Variants in NID2 observed in about 807,000 individuals in gnomAD.
The protein encoded by NID2 is nidogen-2.
In NID2, 83 loss-of-function variants were observed where a neutral mutation model predicts 145.4. That is an observed-to-expected ratio of 0.57 (90% CI 0.48 to 0.69). NID2 has a LOEUF of 0.69. Ranked by LOEUF, NID2 falls within the 30% of genes least tolerant of loss-of-function variation. The pLI is 0.00. For missense variants in NID2, 1,807 were observed against 1,765.7 expected, an observed-to-expected ratio of 1.02 and a Z score of -0.42; for synonymous variants, 739 against 701.3, an observed-to-expected ratio of 1.05 and a Z score of -0.85.
At chr14:52,041,900 A>T (rs112545920) in intron 7 of NID2, among the ~76,000 whole-genome samples, 153 of 152,386 alleles carry the variant, frequency 1.0e-3, no homozygotes, top group African/African-American at 3.5e-3. Context: ...GAGAACATTT[A>T]GACGAAATCA....
At chr14:52,049,473 C>T (rs1423830217) in intron 5 of NID2, among the ~76,000 whole-genome samples, 2 of 151,940 alleles carry the variant, frequency 1.3e-5, no homozygotes, top group South Asian at 2.1e-4. Flanking sequence ...TCCATGGTGT[C>T]GACTGGGTTC....
At chr14:52,059,122 T>A (rs1234337782) in intron 3 of NID2, among the ~76,000 whole-genome samples, 1 of 152,208 alleles carries the variant, frequency 6.6e-6, no homozygotes, top group East Asian at 1.9e-4. Context: ...TCTGTAAAAC[T>A]GGGAAAATAG....
Position 52,005,857 on chromosome 14 carries a change from CAGAAAGGAAG to C in NID2, c.4005-18_4005-9del. On this transcript the variant is annotated splice_polypyrimidine_tract_variant and intron_variant, in intron 20 of 21. Coordinates refer to ENST00000216286, the MANE Select transcript of NID2 (RefSeq NM_007361.4). ...ACTGATACAACACCATCCCTGGTAA[CAGAAAGGAAG>C]AGTGAATTCAGGGACAGTCATTTAC... 6.3e-7 allele frequency: 1 copy of C among 1,586,898 alleles called. No homozygotes were observed. Among genetic ancestry groups the C allele is most frequent in the Non-Finnish European group, 8.7e-7 (1 of 1,155,622 alleles).
intron 21 of NID2, 120 bp from the exon 22 acceptor site, chr14:52,005,616 C>A: frequency 7.0e-7 from 1 of 1,430,678 alleles, no homozygotes; most frequent in Non-Finnish European, 9.8e-7. Context: ...TAAAGACTGG[C>A]CCTCAGGGCA....
chr14:52,039,032 G>C, intron 8 of NID2, 55 bp from the exon 9 acceptor site: 1 of 1,275,366 alleles, frequency 7.8e-7, no homozygotes, highest in South Asian at 1.5e-5. Context: ...AGATTTTCAT[G>C]TGAGGTGGAT....
intron 2 of NID2, among the ~76,000 whole-genome samples, chr14:52,062,904 C>T (rs868041334): frequency 6.6e-6 from 1 of 152,198 alleles, no homozygotes; most frequent in Admixed American, 6.5e-5. Flanking sequence ...GATGAGCACT[C>T]ATTATGGGTG....
At chr14:52,051,590 CACTT>C (rs1377155196) in intron 5 of NID2, among the ~76,000 whole-genome samples, 2 of 152,230 alleles carry the variant, frequency 1.3e-5, no homozygotes, top group African/African-American at 4.8e-5. Flanking sequence ...AGGAAGCCCA[CACTT>C]ACCAGACAGA....
Position 52,053,681 on chromosome 14 carries a change from C to T in NID2, c.1327G>A (p.Glu443Lys). ...GCAGGGTAACTTCGAAGAACAATTT[C>T]TTCTTCAGGATGAGCTGGGGGAACA... ...MDVPPAHPEE[E>K]IVLRSYPASG... Residue 443 changes from glutamate to lysine, a missense_variant, in exon 5 of 22, where the codon GAA becomes AAA. Physicochemically the swap from Glu to Lys is moderately conservative, Grantham distance 56. Transcript: ENST00000216286. 1 of 1,614,216 alleles carries T rather than the reference C, an allele frequency of 6.2e-7. No individual in the cohort carries two copies. Among genetic ancestry groups the T allele is most frequent in the Non-Finnish European group, 8.5e-7 (1 of 1,180,020 alleles).
In NID2 at chr14:52,005,695, A is replaced by C. The variant is rs763516894; in HGVS notation, c.4117+42T>G. The C allele has an allele frequency of 2.0e-6, 3 of 1,502,972 alleles. No individual in the cohort carries two copies. In the Admixed American group the frequency reaches 5.0e-5, roughly 25 times the overall value. The allele number at this position is 1,502,972 out of a possible 1,614,324, so 93.1% of individuals were successfully genotyped here. ...CAAATACCATATATATCCCTTCTCT[A>C]CCCTGCTAATTTAAAGGAGCATCCT... is the stretch of plus-strand genomic sequence containing the variant. On this transcript the variant is annotated intron_variant, in intron 21 of 21. Transcript: ENST00000216286.
chr14:52,013,194 G>A (rs780129431), intron 16 of NID2, among the ~76,000 whole-genome samples: 11 of 152,102 alleles, frequency 7.2e-5, no homozygotes, highest in Non-Finnish European at 1.2e-4. Flanking sequence ...AATAACCCAC[G>A]TCCCATTTCT....
intron 9 of NID2, among the ~76,000 whole-genome samples, chr14:52,035,868 A>ATG (rs1595030971): frequency 7.0e-4 from 26 of 36,922 alleles, no homozygotes; most frequent in East Asian, 1.4e-3. Context: ...ATATATATAT[A>ATG]TATATATATA....
intron 5 of NID2, among the ~76,000 whole-genome samples, chr14:52,044,333 G>A (rs1329531193): frequency 1.5e-5 from 2 of 130,526 alleles, no homozygotes; most frequent in African/African-American, 5.9e-5. Flanking sequence ...GCAGTGGCAC[G>A]ATCACAGCTC....
intron 12 of NID2, among the ~76,000 whole-genome samples, chr14:52,021,794 C>T (rs1891409452): frequency 6.6e-6 from 1 of 152,188 alleles, no homozygotes; most frequent in Non-Finnish European, 1.5e-5. Flanking sequence ...ATTGGCTCCT[C>T]AGTTACCCTG....
chr14:52,067,758 T>G, intron 2 of NID2, 100 bp downstream of exon 2: 1 of 1,372,116 alleles, frequency 7.3e-7, no homozygotes, highest in Middle Eastern at 2.5e-4. Context: ...AGCGCAAGAG[T>G]AGGCTCAGAA....
chr14:52,026,095 T>C (rs141482866), intron 12 of NID2, among the ~76,000 whole-genome samples: 1 of 152,194 alleles, frequency 6.6e-6, no homozygotes, highest in Non-Finnish European at 1.5e-5. Context: ...AGGGCTGAGC[T>C]GCTGTCACAG....
Position 52,014,465 on chromosome 14 carries a change from G to C in NID2, c.3251-9C>G, listed in dbSNP as rs374132821. Reference sequence around the variant, plus strand: ...AGCGACGGTGGGTATACCTGTGGGAGAGAGGGTGGGAGAGCAGGAAGGGGA... The same window carrying C: ...AGCGACGGTGGGTATACCTGTGGGACAGAGGGTGGGAGAGCAGGAAGGGGA... On this transcript the variant is annotated splice_polypyrimidine_tract_variant and intron_variant, in intron 15 of 21. Transcript: ENST00000216286. The C allele has an allele frequency of 2.8e-5, 45 of 1,595,240 alleles. No individual in the cohort carries two copies. Among genetic ancestry groups the C allele is most frequent in the Non-Finnish European group, 3.8e-5 (44 of 1,168,938 alleles).
At chr14:52,057,100 T>G (rs1892871154) in intron 3 of NID2, among the ~76,000 whole-genome samples, 1 of 152,162 alleles carries the variant, frequency 6.6e-6, no homozygotes, top group Non-Finnish European at 1.5e-5. Flanking sequence ...CATAGTGGTG[T>G]GATTGATCAT....
intron 3 of NID2, among the ~76,000 whole-genome samples, chr14:52,059,787 C>T (rs1392034881): frequency 6.6e-6 from 1 of 152,210 alleles, no homozygotes; most frequent in Non-Finnish European, 1.5e-5. Flanking sequence ...AATGATTAAT[C>T]TGGAAAACCT....
intron 5 of NID2, among the ~76,000 whole-genome samples, chr14:52,043,763 A>C (rs1892371884): frequency 6.6e-6 from 1 of 152,186 alleles, no homozygotes; most frequent in South Asian, 2.1e-4. Context: ...CATAGTTCAT[A>C]AAGGAAATAG....
Sources: gnomAD v4.1 joint callset for allele counts (sites outside exome capture counted in the v4.1 genomes callset) on GRCh38, gnomAD v4.1.1 for gene constraint, MANE v1.5 for transcripts, NCBI Gene and HGNC (gene_info 2026-07-23, HGNC 2026-07-21) for gene names.